PCDH15: variants seen among roughly 807,000 people sequenced by gnomAD.
The protein encoded by PCDH15 is protocadherin-15.
A neutral mutation model predicts 178.5 loss-of-function variants in PCDH15; 129 were observed. That is an observed-to-expected ratio of 0.72 (90% CI 0.63 to 0.84). The LOEUF (loss-of-function observed/expected upper bound fraction) is 0.84. Among genes scored for constraint, PCDH15 ranks in the 40% least tolerant of loss-of-function variants. The pLI is 0.00. For synonymous variants in PCDH15, 800 were observed against 732.0 expected, an observed-to-expected ratio of 1.09 and a Z score of -1.50; for missense variants, 2,230 against 2,099.9, an observed-to-expected ratio of 1.06 and a Z score of -1.21.
intron 3 of PCDH15, among the ~76,000 whole-genome samples, chr10:54,883,409 A>T (rs1274787050): frequency 6.6e-6 from 1 of 152,018 alleles, no homozygotes. Context: ...ATTATTCTGG[A>T]TGCATATTCT....
intron 1 of PCDH15, among the ~76,000 whole-genome samples, chr10:54,779,481 T>TATATAAGTATATATATACACAC (rs1950101643): frequency 5.4e-5 from 4 of 74,292 alleles, no homozygotes; most frequent in Non-Finnish European, 1.1e-4. Flanking sequence ...TATACACACA[T>TATATAAGTATATATATACACAC]ATATATGTAT....
intron 28 of PCDH15, among the ~76,000 whole-genome samples, chr10:53,845,082 A>T (rs2077885024): frequency 6.6e-6 from 1 of 152,084 alleles, no homozygotes; most frequent in South Asian, 2.1e-4. Context: ...AATTCTCAAA[A>T]GAAGATATAC....
intron 1 of PCDH15, among the ~76,000 whole-genome samples, chr10:55,316,531 A>C (rs1174685633): frequency 6.6e-6 from 1 of 152,152 alleles, no homozygotes; most frequent in Non-Finnish European, 1.5e-5. Context: ...TAATTCTTTT[A>C]AAGAATCTAT....
At chr10:55,481,943 A>T (rs1476499585) in intron 2 of PCDH15, among the ~76,000 whole-genome samples, 1 of 151,802 alleles carries the variant, frequency 6.6e-6, no homozygotes, top group Admixed American at 6.6e-5. Flanking sequence ...AAATTTCCCC[A>T]CTATAATTGT....
At chr10:54,740,575 C>T (rs758969654) in intron 1 of PCDH15, among the ~76,000 whole-genome samples, 1 of 151,822 alleles carries the variant, frequency 6.6e-6, no homozygotes, top group South Asian at 2.1e-4. Flanking sequence ...TCTGCAGTCT[C>T]GTGTTAATTG....
At chr10:54,954,618 A>G (rs995075088) in intron 2 of PCDH15, among the ~76,000 whole-genome samples, 2 of 151,242 alleles carry the variant, frequency 1.3e-5, no homozygotes, top group Admixed American at 6.6e-5. Flanking sequence ...TTACAAGTCA[A>G]TGTTTTGCCC....
chr10:53,984,803 T>A (rs2090982561), intron 21 of PCDH15, among the ~76,000 whole-genome samples: 1 of 152,202 alleles, frequency 6.6e-6, no homozygotes, highest in Non-Finnish European at 1.5e-5. Flanking sequence ...GAGTATCTTT[T>A]AACTAGACCA....
intron 2 of PCDH15, among the ~76,000 whole-genome samples, chr10:55,411,716 T>A (rs989114360): frequency 6.6e-6 from 1 of 152,122 alleles, no homozygotes; most frequent in African/African-American, 2.4e-5. Flanking sequence ...ACTGTGTAAG[T>A]CAGATGTAAC....
intron 1 of PCDH15, among the ~76,000 whole-genome samples, chr10:54,728,537 G>A (rs2132615468): frequency 6.6e-6 from 1 of 151,380 alleles, no homozygotes; most frequent in African/African-American, 2.4e-5. Flanking sequence ...ACAAGACAAG[G>A]ATGCCCAGTT....
chr10:54,985,360 A>G (rs981356065), intron 2 of PCDH15, among the ~76,000 whole-genome samples: 1 of 152,214 alleles, frequency 6.6e-6, no homozygotes, highest in African/African-American at 2.4e-5. Flanking sequence ...GTATGCATAT[A>G]TACATATGCA....
intron 5 of PCDH15, among the ~76,000 whole-genome samples, chr10:54,350,320 G>A (rs1023222772): frequency 2.0e-5 from 3 of 152,128 alleles, no homozygotes; most frequent in African/African-American, 7.2e-5. Flanking sequence ...CCAAGGTGAG[G>A]TTTGCTCTCC....
intron 26 of PCDH15, among the ~76,000 whole-genome samples, chr10:53,883,475 G>T (rs1241733981): frequency 6.6e-6 from 1 of 151,640 alleles, no homozygotes; most frequent in African/African-American, 2.4e-5. Flanking sequence ...AAATCCCTGT[G>T]CTAAGGGCTG....
chr10:53,806,874 A>T lies in PCDH15; in HGVS notation c.4928T>A (p.Val1643Glu). ...CAGAGGTACATTCTCCTCATGTGTC[A>T]CTGCCAACTTGTCTAGTTTCTTAAA... ...GPFKKLDKLA[V>E]THEENVPLNT... is the part of the protein sequence containing the mutation. The change falls in exon 38 of 38, where the codon GTG (valine) becomes GAG (glutamate). Residue 1643 changes from valine (V) to glutamate (E), a missense_variant. Transcript: ENST00000644397. The T allele has an allele frequency of 6.2e-7, 1 of 1,613,876 alleles. No individual in the cohort carries two copies. The highest frequency in any genetic ancestry group is 8.5e-7 in the Non-Finnish European group (1 of 1,179,846).
intron 3 of PCDH15, among the ~76,000 whole-genome samples, chr10:54,412,684 T>G (rs571496723): frequency 8.6e-4 from 131 of 152,298 alleles, no homozygotes; most frequent in African/African-American, 3.1e-3. Flanking sequence ...CCATCCAGTT[T>G]CCAAGCTACC....
intron 3 of PCDH15, among the ~76,000 whole-genome samples, chr10:54,441,968 G>A (rs897227526): frequency 1.3e-5 from 2 of 151,370 alleles, no homozygotes; most frequent in African/African-American, 4.9e-5. Flanking sequence ...CACCATCAAG[G>A]GAATTAATAA....
At chr10:54,408,612 C>A (rs1022752739) in intron 3 of PCDH15, among the ~76,000 whole-genome samples, 1 of 152,140 alleles carries the variant, frequency 6.6e-6, no homozygotes, top group African/African-American at 2.4e-5. Flanking sequence ...ATTCCAACTA[C>A]CTCCTTTGCA....
At chr10:54,856,085 T>C (rs942023544) in intron 3 of PCDH15, among the ~76,000 whole-genome samples, 3 of 152,208 alleles carry the variant, frequency 2.0e-5, no homozygotes, top group Admixed American at 6.6e-5. Context: ...ATACATATGA[T>C]TGTATTTAAA....
In PCDH15 at chr10:53,806,538, A is replaced by T. The variant is rs914535047; in HGVS notation, c.*41T>A. 3 of 1,438,232 alleles carry T rather than the reference A, an allele frequency of 2.1e-6. No individual in the cohort carries two copies. The allele number at this position is 1,438,232 out of a possible 1,614,324, so 89.1% of individuals were successfully genotyped here. On this transcript the variant is annotated 3_prime_UTR_variant, in exon 38 of 38. Transcript: ENST00000644397. ...CAATAAAAAGCACAGTTTATTAAAA[A>T]TGTAAGTAAAAATTAATTAAAATAT...
At chr10:55,090,295 C>A (rs1842284018) in intron 2 of PCDH15, among the ~76,000 whole-genome samples, 1 of 151,974 alleles carries the variant, frequency 6.6e-6, no homozygotes, top group Admixed American at 6.6e-5. Context: ...AAGAATTATA[C>A]AATATTCATT....
Sources: gnomAD v4.1 joint callset for allele counts (sites outside exome capture counted in the v4.1 genomes callset) on GRCh38, gnomAD v4.1.1 for gene constraint, MANE v1.5 for transcripts, NCBI Gene and HGNC (gene_info 2026-07-23, HGNC 2026-07-21) for gene names.